The following PRR5L variants were observed in gnomAD, a reference collection of about 807,000 sequenced individuals.
PRR5L encodes proline-rich protein 5-like.
Under a neutral mutation model 36.4 loss-of-function variants are expected in PRR5L, and 21 were observed. The observed-to-expected ratio is 0.58, with a 90% CI of 0.41 to 0.83. The LOEUF is 0.83. Among genes scored for constraint, PRR5L ranks in the 40% least tolerant of loss-of-function variants. The pLI is 0.00. For missense variants in PRR5L, 381 were observed against 473.3 expected (o/e 0.80, Z 1.81); for synonymous variants, 188 against 197.0 (o/e 0.95, Z 0.38).
At chr11:36,395,532 G>A (rs2133549145) in intron 1 of PRR5L, among the ~76,000 whole-genome samples, 1 of 152,290 alleles carries the variant, frequency 6.6e-6, no homozygotes, top group East Asian at 1.9e-4. Context: ...AGTTCTACAG[G>A]ATAGAGCTGC....
intron 1 of PRR5L, among the ~76,000 whole-genome samples, chr11:36,393,560 A>T (rs11033584): frequency 1.3e-5 from 2 of 152,134 alleles, no homozygotes; most frequent in Non-Finnish European, 2.9e-5. Context: ...TGCCAGTACT[A>T]TGCTGTTTTG....
At chr11:36,336,135 C>T (rs117927767) in intron 1 of PRR5L, among the ~76,000 whole-genome samples, 54 of 152,272 alleles carry the variant, frequency 3.5e-4, no homozygotes, top group South Asian at 1.0e-3. Flanking sequence ...TTTGTATCAC[C>T]CTCACCATTT....
chr11:36,376,260 G>A lies in PRR5L; in HGVS notation c.-125-24737G>A, dbSNP rs141432549. ...GAAGTGAGTTGGGGGACATTGGAGA[G>A]ACACTAAAGCTAGGTGCCCGGGACA... On this transcript the variant is annotated intron_variant, in intron 1 of 8. Transcript: ENST00000530639. 7.3e-6 allele frequency: 9 copies of A among 1,226,504 alleles called. No individual in the cohort carries two copies. The African/African-American group carries it at 1.4e-4, about 19-fold the overall frequency. 76.0% of individuals were successfully genotyped at this position (1,226,504 alleles called of 1,614,324 possible).
chr11:36,433,839 A>G (rs1858551112), intron 5 of PRR5L, among the ~76,000 whole-genome samples: 1 of 152,224 alleles, frequency 6.6e-6, no homozygotes, highest in South Asian at 2.1e-4. Flanking sequence ...CACTGTGCCC[A>G]GCCCTCTTTT....
chr11:36,360,537 G>A (rs758397938), intron 1 of PRR5L, among the ~76,000 whole-genome samples: 2 of 152,150 alleles, frequency 1.3e-5, no homozygotes, highest in Non-Finnish European at 2.9e-5. Context: ...GGAACACAAA[G>A]GGGTATGTGC....
intron 1 of PRR5L, among the ~76,000 whole-genome samples, chr11:36,364,980 A>G (rs330257): frequency 0.98 from 148,907 of 152,076 alleles, 72,902 homozygotes; most frequent in East Asian, 1. Context: ...ATTCCCCAAT[A>G]GACAGTTCAG....
chr11:36,428,623 G>C (rs1858431259), intron 4 of PRR5L, among the ~76,000 whole-genome samples: 1 of 152,162 alleles, frequency 6.6e-6, no homozygotes, highest in African/African-American at 2.4e-5. Flanking sequence ...AATAAAACAT[G>C]AGTAGTAGAG....
At chr11:36,451,359 G>A in intron 8 of PRR5L, 24 bp downstream of exon 8, 1 of 1,613,396 alleles carries the variant, frequency 6.2e-7, no homozygotes, top group South Asian at 1.1e-5. Context: ...CTCTCAAGTT[G>A]TCAAGAGGCC....
chr11:36,399,521 C>G (rs1307431387), intron 1 of PRR5L, among the ~76,000 whole-genome samples: 24 of 152,174 alleles, frequency 1.6e-4, no homozygotes, highest in Non-Finnish European at 1.5e-5. Context: ...TCTTCAAGTG[C>G]TAACCAGCTG....
At chr11:36,334,365 T>C (rs555809613) in intron 1 of PRR5L, among the ~76,000 whole-genome samples, 44 of 152,350 alleles carry the variant, frequency 2.9e-4, no homozygotes, top group African/African-American at 1.1e-3. Context: ...CTTCTGTGGC[T>C]TTCCACTGGT....
intron 1 of PRR5L, chr11:36,376,560 A>G (rs1857265606): frequency 1.0e-6 from 1 of 1,000,680 alleles, no homozygotes; most frequent in African/African-American, 1.7e-5. Context: ...CGACGGGGAG[A>G]ACCATCCAGG....
At chr11:36,416,048 T>C (rs1019940181) in intron 3 of PRR5L, among the ~76,000 whole-genome samples, 2 of 152,266 alleles carry the variant, frequency 1.3e-5, no homozygotes, top group South Asian at 2.1e-4. Flanking sequence ...TTTCATATTA[T>C]TTAGAGCACT....
At chr11:36,400,764 C>T (rs1857774838) in intron 1 of PRR5L, among the ~76,000 whole-genome samples, 1 of 152,204 alleles carries the variant, frequency 6.6e-6, no homozygotes, top group Non-Finnish European at 1.5e-5. Flanking sequence ...TTCTGCAGGA[C>T]TGGCCTTAGG....
At chr11:36,455,687 G>A in intron 8 of PRR5L, among the ~76,000 whole-genome samples, 1 of 152,196 alleles carries the variant, frequency 6.6e-6, no homozygotes. Context: ...CCCGGGAGCA[G>A]AGAAGAAAAA....
chr11:36,427,282 T>C (rs147849776), intron 4 of PRR5L, among the ~76,000 whole-genome samples: 2 of 152,272 alleles, frequency 1.3e-5, no homozygotes, highest in Non-Finnish European at 2.9e-5. Flanking sequence ...AGTTCATTTA[T>C]GGGGTGGGGA....
At chr11:36,371,201 A>G (rs1857194191) in intron 1 of PRR5L, among the ~76,000 whole-genome samples, 1 of 152,244 alleles carries the variant, frequency 6.6e-6, no homozygotes, top group African/African-American at 2.4e-5. Context: ...AGCAGACTTC[A>G]GGGTTCTCAA....
At chr11:36,369,867 G>A (rs1332236419) in intron 1 of PRR5L, among the ~76,000 whole-genome samples, 3 of 152,220 alleles carry the variant, frequency 2.0e-5, no homozygotes, top group African/African-American at 7.2e-5. Flanking sequence ...AAAATGCTGG[G>A]ATTACAGGCA....
At chr11:36,413,342 C>T (rs1858067583) in intron 3 of PRR5L, among the ~76,000 whole-genome samples, 1 of 152,174 alleles carries the variant, frequency 6.6e-6, no homozygotes, top group East Asian at 1.9e-4. Flanking sequence ...AGCTGGTACA[C>T]ACCCTGCTTC....
intron 1 of PRR5L, among the ~76,000 whole-genome samples, chr11:36,359,893 T>A (rs1421253329): frequency 2.6e-5 from 4 of 152,018 alleles, no homozygotes; most frequent in Non-Finnish European, 2.9e-5. Flanking sequence ...AAAAATCAGC[T>A]GGACATGGTG....
Sources: gnomAD v4.1 joint callset for allele counts (sites outside exome capture counted in the v4.1 genomes callset) on GRCh38, gnomAD v4.1.1 for gene constraint, MANE v1.5 for transcripts, NCBI Gene and HGNC (gene_info 2026-07-23, HGNC 2026-07-21) for gene names.